Variants in TRIM37 observed in about 807,000 individuals in gnomAD.
TRIM37 encodes E3 ubiquitin-protein ligase TRIM37.
A neutral mutation model predicts 129.8 loss-of-function variants in TRIM37; 80 were observed. The ratio of observed to expected loss-of-function variants is 0.62; its 90% CI spans 0.51 to 0.74. TRIM37 has a LOEUF of 0.74. Ranked by LOEUF, TRIM37 falls within the 30% of genes least tolerant of loss-of-function variation. The pLI is 0.00. For missense variants in TRIM37, 1,054 were observed against 1,176.5 expected (o/e 0.90, Z 1.52); for synonymous variants, 389 against 387.1 (o/e 1.00, Z -0.06).
At chr17:59,070,129 G>A (rs1280717937) in intron 9 of TRIM37, among the ~76,000 whole-genome samples, 1 of 152,196 alleles carries the variant, frequency 6.6e-6, no homozygotes, top group African/African-American at 2.4e-5. Context: ...CAAATCCCAA[G>A]TGATTCCAAC....
intron 9 of TRIM37, among the ~76,000 whole-genome samples, chr17:59,065,930 T>C (rs2041886702): frequency 6.6e-6 from 1 of 152,228 alleles, no homozygotes; most frequent in Non-Finnish European, 1.5e-5. Flanking sequence ...TGCCCTGTGA[T>C]TAACTGTATA....
chr17:59,003,645 T>TAA lies in TRIM37; in HGVS notation c.2696-1933_2696-1932dup, dbSNP rs71145512. The stretch of plus-strand genomic sequence containing the variant: ...ATTAAAACAAGACCCAGAGTCTTAT[T>TAA]AAAAAAAAAAAAAAAAACCTAATGA... On this transcript the variant is annotated intron_variant, in intron 22 of 23. Coordinates refer to ENST00000262294, the MANE Select transcript of TRIM37 (RefSeq NM_015294.6). 4.9e-3 allele frequency among the ~76,000 whole-genome samples: 606 copies of TAA among 122,626 alleles called. 7 individuals carry two copies. Among genetic ancestry groups the TAA allele is most frequent in the East Asian group, 0.038 (165 of 4,332 alleles). The allele number at this position is 122,626 out of a possible 152,430, so 80.4% of individuals were successfully genotyped here.
At chr17:59,038,909 A>T (rs2145821573) in intron 17 of TRIM37, among the ~76,000 whole-genome samples, 1 of 152,292 alleles carries the variant, frequency 6.6e-6, no homozygotes, top group African/African-American at 2.4e-5. Flanking sequence ...TGACTGCCAG[A>T]TGCTGACTGA....
At chr17:59,072,520 G>A (rs2042460983) in intron 8 of TRIM37, among the ~76,000 whole-genome samples, 1 of 152,070 alleles carries the variant, frequency 6.6e-6, no homozygotes, top group Admixed American at 6.6e-5. Context: ...TTAGGGTGAG[G>A]AGTTCAAGAC....
At chr17:59,077,027 A>G (rs2042867369) in intron 7 of TRIM37, among the ~76,000 whole-genome samples, 1 of 152,080 alleles carries the variant, frequency 6.6e-6, no homozygotes, top group Non-Finnish European at 1.5e-5. Flanking sequence ...ACCTCAGATG[A>G]TCCACCCGCC....
downstream of TRIM37, among the ~76,000 whole-genome samples, chr17:58,978,660 G>A (rs1202405525): frequency 2.0e-5 from 3 of 152,064 alleles, no homozygotes; most frequent in Non-Finnish European, 4.4e-5. Flanking sequence ...GCAGTGACCC[G>A]AGATTGTGCC....
chr17:58,974,588 T>G, the TRIM37 span, among the ~76,000 whole-genome samples: 1 of 152,346 alleles, frequency 6.6e-6, no homozygotes, highest in Admixed American at 6.5e-5. Context: ...ACTTCCTGTT[T>G]TTTTAAAAAA....
At chr17:59,027,466 T>C (rs2037369465) in intron 19 of TRIM37, among the ~76,000 whole-genome samples, 1 of 152,176 alleles carries the variant, frequency 6.6e-6, no homozygotes, top group Non-Finnish European at 1.5e-5. Flanking sequence ...TAGAATAGAA[T>C]AGCACATCCT....
intron 7 of TRIM37, among the ~76,000 whole-genome samples, chr17:59,078,497 A>G (rs961340616): frequency 1.3e-4 from 20 of 152,192 alleles, no homozygotes; most frequent in African/African-American, 4.8e-4. Flanking sequence ...AAGAAAAACA[A>G]GACCACATGC....
In TRIM37 at chr17:58,998,743, T is replaced by A. The variant is rs28475409; in HGVS notation, c.*634A>T. 0.37 allele frequency: 360,492 copies of A among 985,222 alleles called. 66,148 individuals carry two copies. The highest frequency in any genetic ancestry group is 0.43 in the Middle Eastern group (815 of 1,914). 61.0% of individuals were successfully genotyped at this position (985,222 alleles called of 1,614,324 possible). On this transcript the variant is annotated 3_prime_UTR_variant, in exon 24 of 24. Transcript: ENST00000262294. ...ATGTTAACTTAATTTCATTTAAAAT[T>A]ACATTTGTAGAAGTCACACAACAGA...
At chr17:59,001,504 G>A (rs576003431) in intron 23 of TRIM37, 94 bp downstream of exon 23, 71 of 1,533,550 alleles carry the variant, frequency 4.6e-5, no homozygotes, top group African/African-American at 4.4e-4. Flanking sequence ...GCAGTAGAGC[G>A]GAAAAAGTAG....
chr17:59,082,648 A>G (rs923427296), intron 5 of TRIM37, among the ~76,000 whole-genome samples: 3 of 152,324 alleles, frequency 2.0e-5, no homozygotes, highest in African/African-American at 7.2e-5. Flanking sequence ...CAGCTCAAAG[A>G]ACAATTTTTA....
Position 59,012,452 on chromosome 17 carries a change from A to T in TRIM37, c.2577-6T>A. 6.4e-7 allele frequency: 1 copy of T among 1,554,918 alleles called. No individual in the cohort carries two copies. Reference sequence around the variant, plus strand: ...GACCTCCTTTAGCATTAGCCCTCAAAGAAGAAAACAACTTGATATTTCTCT... The same window carrying T: ...GACCTCCTTTAGCATTAGCCCTCAATGAAGAAAACAACTTGATATTTCTCT... On this transcript the variant is annotated splice_polypyrimidine_tract_variant and splice_region_variant and intron_variant, in intron 21 of 23. Transcript: ENST00000262294.
rs563420641 is a variant in TRIM37 at position 59,012,085 on chromosome 17, T to C, written c.2695+243A>G. Among the ~76,000 whole-genome samples the C allele has an allele frequency of 1.8e-4, 27 of 152,314 alleles. No individual in the cohort carries two copies. In the South Asian group the frequency reaches 5.6e-3, roughly 32 times the overall value. Reference sequence around the variant, plus strand: ...TAGTAACTTACCCATTTTGCCTTCCTCTGTATTTGGTATCTTAGCAAATCA... The same window carrying C: ...TAGTAACTTACCCATTTTGCCTTCCCCTGTATTTGGTATCTTAGCAAATCA... On this transcript the variant is annotated intron_variant, in intron 22 of 23. Transcript: ENST00000262294.
In TRIM37 at chr17:58,998,293, G is replaced by A. The variant is rs12451581; in HGVS notation, c.*1084C>T. On this transcript the variant is annotated 3_prime_UTR_variant, in exon 24 of 24. Transcript: ENST00000262294. ...CAGCATTCAGCAAGACATCAGACAC[G>A]GAAGAGTGAACAATATTCACTAAGT... 50 of 985,268 alleles carry A rather than the reference G, an allele frequency of 5.1e-5. 1 individual carries two copies. In the East Asian group the frequency reaches 2.7e-3, roughly 54 times the overall value. 61.0% of individuals were successfully genotyped at this position (985,268 alleles called of 1,614,324 possible). A position where few individuals can be genotyped will look rare whatever the true frequency, so the allele number is the denominator to read the frequency against.
At chr17:58,998,096 T>C, downstream of TRIM37, 1 of 565,970 alleles carries the variant, frequency 1.8e-6, no homozygotes, top group Non-Finnish European at 2.2e-6. Context: ...GCCATTAGAC[T>C]AAACACAAAC....
At chr17:59,012,215 C>CCAG (rs749441889) in intron 22 of TRIM37, 113 bp downstream of exon 22, 22 of 567,502 alleles carry the variant, frequency 3.9e-5, no homozygotes, top group South Asian at 8.6e-5. Context: ...ATCACTACCA[C>CCAG]CAGCAGCAGC....
Position 59,056,883 on chromosome 17 carries a change from C to A in TRIM37, c.1191G>T (p.Val397=). Residue 397 remains valine (V), a synonymous_variant, in exon 13 of 24, where the codon GTG becomes GTT. Transcript: ENST00000262294. The part of the protein sequence containing the change: ...EGYLNPQNDT[V]ILRFQVRSPT... ...CAAATTTTTCCTGTTACCTTAAAAT[C>A]ACTGTATCATTTTGTGGATTCAAGT... 6.2e-7 allele frequency: 1 copy of A among 1,613,606 alleles called. No homozygotes were observed. The highest frequency in any genetic ancestry group is 1.1e-5 in the South Asian group (1 of 91,044).
intron 17 of TRIM37, among the ~76,000 whole-genome samples, chr17:59,041,003 G>A (rs1037028914): frequency 5.9e-5 from 9 of 151,590 alleles, no homozygotes; most frequent in Non-Finnish European, 1.0e-4. Flanking sequence ...CCGAGATTGC[G>A]CCACTGCAGT....
Sources: allele counts gnomAD v4.1 joint callset (sites outside exome capture counted in the v4.1 genomes callset), GRCh38; gene constraint gnomAD v4.1.1; transcripts MANE v1.5; gene names NCBI Gene and HGNC (gene_info 2026-07-23, HGNC 2026-07-21).